PCCA: variants seen among roughly 807,000 people sequenced by gnomAD.
PCCA encodes propionyl-CoA carboxylase subunit alpha, also known as propionyl-CoA carboxylase alpha chain, mitochondrial.
Under a neutral mutation model 101.3 loss-of-function variants are expected in PCCA, and 74 were observed. The observed-to-expected ratio is 0.73, with a 90% CI of 0.61 to 0.89. The LOEUF (loss-of-function observed/expected upper bound fraction) is 0.89. Among genes scored for constraint, PCCA ranks in the 40% least tolerant of loss-of-function variants. The pLI is 0.00. For missense variants in PCCA, 891 were observed against 907.0 expected (o/e 0.98, Z 0.23); for synonymous variants, 294 against 313.6 (o/e 0.94, Z 0.66).
chr13:100,419,855 G>T (rs2078632865), intron 19 of PCCA, among the ~76,000 whole-genome samples: 2 of 152,206 alleles, frequency 1.3e-5, no homozygotes, highest in Non-Finnish European at 2.9e-5. Flanking sequence ...TGAGAGTAGG[G>T]GGCAGGGTTA....
rs1245586337 is a variant in PCCA at position 100,380,253 on chromosome 13, C to T, written c.1746+11679C>T. On this transcript the variant is annotated intron_variant, in intron 19 of 23. Coordinates refer to ENST00000376285, the MANE Select transcript of PCCA (RefSeq NM_000282.4). ...AGCATGTGCCTCTAGTCCCAGCTAC[C>T]TAGAAGGCTGGGGTTGGAGGATAGC... Among the ~76,000 whole-genome samples, 5 of 151,994 alleles carry T rather than the reference C, an allele frequency of 3.3e-5. No homozygotes were observed. The South Asian group carries it at 8.3e-4, about 25-fold the overall frequency.
At position 100,426,079 on chromosome 13, in the gene PCCA, G is replaced by T. The variant is rs1178618619; in HGVS notation, c.1845+348G>T. On this transcript the variant is annotated intron_variant, in intron 20 of 23. Coordinates refer to ENST00000376285, the MANE Select transcript of PCCA (RefSeq NM_000282.4). ...ACTTACTTTGTTACCTTTCTTTTCT[G>T]TGCAGTTGAAATTACGTAGTGTTAG... is the stretch of plus-strand genomic sequence containing the variant. 2.0e-5 allele frequency among the ~76,000 whole-genome samples: 3 copies of T among 150,328 alleles called. No individual in the cohort carries two copies. In the East Asian group the frequency reaches 5.9e-4, roughly 29 times the overall value.
Position 100,264,005 on chromosome 13 carries a change from G to A in PCCA, c.819+1174G>A, listed in dbSNP as rs182927414. On this transcript the variant is annotated intron_variant, in intron 10 of 23. Transcript: ENST00000376285. ...GTCATATATACGGTATCTGTATATC[G>A]TATATATACGGTATCTGTATATCGT... 4.4e-4 allele frequency among the ~76,000 whole-genome samples: 59 copies of A among 133,736 alleles called. No homozygotes were observed. In the South Asian group the frequency reaches 5.2e-3, roughly 12 times the overall value. 87.7% of individuals were successfully genotyped at this position (133,736 alleles called of 152,430 possible). A position where few individuals can be genotyped will look rare whatever the true frequency, so the allele number is the denominator to read the frequency against.
intron 6 of PCCA, among the ~76,000 whole-genome samples, chr13:100,194,215 A>G (rs1403910248): frequency 1.3e-5 from 2 of 152,230 alleles, no homozygotes; most frequent in Non-Finnish European, 2.9e-5. Context: ...AGCATACTTT[A>G]CCTAAACTAT....
chr13:100,163,807 C>G (rs1045102803), intron 6 of PCCA, among the ~76,000 whole-genome samples: 4 of 151,542 alleles, frequency 2.6e-5, no homozygotes, highest in Admixed American at 6.6e-5. Flanking sequence ...CCTTTTTTTC[C>G]TTCTGTTTTC....
chr13:100,460,227 TG>T (rs2082079811), intron 21 of PCCA, among the ~76,000 whole-genome samples: 1 of 152,246 alleles, frequency 6.6e-6, no homozygotes, highest in South Asian at 2.1e-4. Flanking sequence ...CGAAGAGAGC[TG>T]GTGTTTTACT....
At chr13:100,300,084 T>C (rs905358564) in intron 12 of PCCA, among the ~76,000 whole-genome samples, 1 of 152,174 alleles carries the variant, frequency 6.6e-6, no homozygotes, top group Non-Finnish European at 1.5e-5. Context: ...TAATAGAGGG[T>C]TTTTTTGCTA....
At chr13:100,514,305 G>T (rs1255492814) in intron 21 of PCCA, among the ~76,000 whole-genome samples, 1 of 152,156 alleles carries the variant, frequency 6.6e-6, no homozygotes, top group Non-Finnish European at 1.5e-5. Flanking sequence ...ACCCTTTTCA[G>T]TAGGCCCTGT....
rs562449733 is a variant in PCCA, at chr13:100,167,830, G to A, written c.468+10490G>A. ...AAAAAGTAATGGGACATACATGTGC[G>A]ATCTCGGCTCTCTGCAAGCTCTGCC... On this transcript the variant is annotated intron_variant, in intron 6 of 23. Transcript: ENST00000376285. Among the ~76,000 whole-genome samples the A allele has an allele frequency of 3.3e-5, 5 of 152,140 alleles. No individual in the cohort carries two copies. In the South Asian group the frequency reaches 8.3e-4, roughly 25 times the overall value.
At chr13:100,419,361 A>C (rs1595833224) in intron 19 of PCCA, among the ~76,000 whole-genome samples, 1 of 151,978 alleles carries the variant, frequency 6.6e-6, no homozygotes, top group East Asian at 1.9e-4. Context: ...AATCCCAGCT[A>C]CTTGGGAGGC....
At position 100,262,847 on chromosome 13, in the gene PCCA, A is replaced by T. The variant is rs377356398; in HGVS notation, c.819+16A>T. On this transcript the variant is annotated intron_variant, in intron 10 of 23. Coordinates refer to ENST00000376285, the MANE Select transcript of PCCA (RefSeq NM_000282.4). Reference sequence around the variant, plus strand: ...AGAAATCCAGGTTGGTACATTTAAGATGCTTTTTCATTATTATTTTAAAAT... The same window carrying T: ...AGAAATCCAGGTTGGTACATTTAAGTTGCTTTTTCATTATTATTTTAAAAT... The T allele has an allele frequency of 2.2e-6, 2 of 929,582 alleles. No individual in the cohort carries two copies. The highest frequency in any genetic ancestry group is 3.6e-6 in the Non-Finnish European group (2 of 562,784). 57.6% of individuals were successfully genotyped at this position (929,582 alleles called of 1,614,324 possible).
At chr13:100,336,990 C>A (rs1219874011) in intron 17 of PCCA, among the ~76,000 whole-genome samples, 1 of 152,002 alleles carries the variant, frequency 6.6e-6, no homozygotes, top group East Asian at 1.9e-4. Flanking sequence ...ATGCACCCAG[C>A]AGCACCTCTC....
intron 20 of PCCA, among the ~76,000 whole-genome samples, chr13:100,428,858 T>C (rs1334617073): frequency 6.6e-6 from 1 of 152,178 alleles, no homozygotes; most frequent in Non-Finnish European, 1.5e-5. Flanking sequence ...CCGAGTCACA[T>C]GAGCCTTATT....
At chr13:100,290,821 G>T (rs2065062266) in intron 12 of PCCA, among the ~76,000 whole-genome samples, 1 of 151,870 alleles carries the variant, frequency 6.6e-6, no homozygotes, top group East Asian at 1.9e-4. Flanking sequence ...TGATCTTCCA[G>T]GTTACTAATT....
chr13:100,310,709 A>G (rs2066842252), intron 16 of PCCA, among the ~76,000 whole-genome samples: 1 of 152,200 alleles, frequency 6.6e-6, no homozygotes, highest in Non-Finnish European at 1.5e-5. Context: ...CTTACTCTAT[A>G]TATGTATATA....
At chr13:100,456,746 G>A (rs7335300) in intron 21 of PCCA, among the ~76,000 whole-genome samples, 15,732 of 152,122 alleles carry the variant, frequency 0.1, 1,365 homozygotes, top group African/African-American at 0.23. Flanking sequence ...TTCTTCTACC[G>A]CTATCTACTA....
chr13:100,468,867 A>C (rs901133184), intron 21 of PCCA, among the ~76,000 whole-genome samples: 16 of 152,116 alleles, frequency 1.1e-4, no homozygotes, highest in Non-Finnish European at 1.6e-4. Flanking sequence ...TCTACTAAAA[A>C]TACAAAAATT....
chr13:100,476,598 C>G (rs2083437966), intron 21 of PCCA, among the ~76,000 whole-genome samples: 1 of 152,328 alleles, frequency 6.6e-6, no homozygotes, highest in South Asian at 2.1e-4. Context: ...TTTACTCATT[C>G]ATTTATCCAA....
In PCCA at chr13:100,406,117, C is replaced by T. The variant is rs542892774; in HGVS notation, c.1747-19516C>T. On this transcript the variant is annotated intron_variant, in intron 19 of 23. Coordinates refer to ENST00000376285, the MANE Select transcript of PCCA (RefSeq NM_000282.4). The stretch of plus-strand genomic sequence containing the variant: ...GGTCAGTAACCCTTTACAGGGACTG[C>T]GTAGACAGGGGTATGAGGCCATTTT... Among the ~76,000 whole-genome samples, 150 of 152,210 alleles carry T rather than the reference C, an allele frequency of 9.9e-4. 1 individual carries two copies. Among genetic ancestry groups the T allele is most frequent in the African/African-American group, 3.4e-3 (141 of 41,528 alleles).
Sources: allele counts gnomAD v4.1 joint callset (sites outside exome capture counted in the v4.1 genomes callset), GRCh38; gene constraint gnomAD v4.1.1; transcripts MANE v1.5; gene names NCBI Gene and HGNC (gene_info 2026-07-23, HGNC 2026-07-21).